VMP1: variants seen among roughly 807,000 people sequenced by gnomAD.
The protein encoded by VMP1 is vacuole membrane protein 1.
In VMP1, 11 loss-of-function variants were observed where a neutral mutation model predicts 56.0. The observed-to-expected ratio is 0.20, with a 90% CI of 0.12 to 0.32. The LOEUF (loss-of-function observed/expected upper bound fraction) is 0.32. Among genes scored for constraint, VMP1 ranks in the 10% least tolerant of loss-of-function variants. The pLI is 1.00. For synonymous variants in VMP1, 149 were observed against 165.0 expected (o/e 0.90, Z 0.74); for missense variants, 296 against 490.3 (o/e 0.60, Z 3.74).
chr17:59,835,484 C>CA (rs2038950816), intron 10 of VMP1, among the ~76,000 whole-genome samples: 1 of 147,674 alleles, frequency 6.8e-6, no homozygotes, highest in Non-Finnish European at 1.5e-5. Flanking sequence ...TATAAATATG[C>CA]AGTTTTTTGT....
chr17:59,717,217 G>A (rs1188576774), intron 1 of VMP1, among the ~76,000 whole-genome samples: 2 of 151,890 alleles, frequency 1.3e-5, no homozygotes, highest in Non-Finnish European at 2.9e-5. Flanking sequence ...TGATCCGCCC[G>A]CTTCGGCCTC....
At chr17:59,754,888 A>G (rs901421065) in intron 5 of VMP1, among the ~76,000 whole-genome samples, 12 of 152,122 alleles carry the variant, frequency 7.9e-5, no homozygotes, top group Admixed American at 7.9e-4. Context: ...CCTGCCCTTA[A>G]GTTTATTAAT....
chr17:59,782,633 G>T (rs757736307), intron 7 of VMP1, among the ~76,000 whole-genome samples: 4 of 152,142 alleles, frequency 2.6e-5, no homozygotes, highest in Admixed American at 1.3e-4. Flanking sequence ...CCTCCAATTT[G>T]ATAGAAGCAA....
chr17:59,761,937 A>G (rs2036069065), intron 5 of VMP1, among the ~76,000 whole-genome samples: 1 of 152,178 alleles, frequency 6.6e-6, no homozygotes, highest in African/African-American at 2.4e-5. Flanking sequence ...GGCAGGAGCA[A>G]CATGCTTTGT....
intron 10 of VMP1, among the ~76,000 whole-genome samples, chr17:59,819,283 T>C (rs1293705143): frequency 6.6e-6 from 1 of 152,128 alleles, no homozygotes; most frequent in Non-Finnish European, 1.5e-5. Context: ...ACAAAAAATA[T>C]TCTTGTCCCT....
intron 6 of VMP1, among the ~76,000 whole-genome samples, chr17:59,768,615 A>G (rs1486475852): frequency 2.6e-5 from 4 of 152,006 alleles, no homozygotes; most frequent in African/African-American, 9.7e-5. Flanking sequence ...AGAAAAAAAA[A>G]CAAGGGGGAT....
chr17:59,786,124 A>G (rs1188189279), intron 7 of VMP1, among the ~76,000 whole-genome samples: 1 of 152,184 alleles, frequency 6.6e-6, no homozygotes, highest in Admixed American at 6.6e-5. Flanking sequence ...ATTAGTTGTA[A>G]TGGTAGTTCT....
At chr17:59,801,881 C>G (rs2037679819) in intron 7 of VMP1, among the ~76,000 whole-genome samples, 1 of 151,724 alleles carries the variant, frequency 6.6e-6, no homozygotes, top group Non-Finnish European at 1.5e-5. Flanking sequence ...TAAACTCCAT[C>G]TCAAAAACAA....
In VMP1 at chr17:59,724,834, C is replaced by T. The variant is rs1264507817; in HGVS notation, c.-26-6587C>T. On this transcript the variant is annotated intron_variant, in intron 1 of 11. Transcript: ENST00000262291. ...CAAAAAAATTAGCCGGGCCTGGTGG[C>T]GGGCGCCTGTAGTCCCAGCTACTCG... Among the ~76,000 whole-genome samples the T allele has an allele frequency of 4.6e-5, 7 of 150,680 alleles. No individual in the cohort carries two copies. In the East Asian group the frequency reaches 9.8e-4, roughly 21 times the overall value.
At chr17:59,735,584 C>A in intron 3 of VMP1, 111 bp downstream of exon 3, 1 of 1,157,256 alleles carries the variant, frequency 8.6e-7, no homozygotes, top group African/African-American at 1.5e-5. Context: ...GATTAATTAC[C>A]TTTAGAATAT....
intron 7 of VMP1, among the ~76,000 whole-genome samples, chr17:59,804,090 A>AT (rs1330293213): frequency 1.3e-5 from 2 of 152,150 alleles, no homozygotes; most frequent in African/African-American, 4.8e-5. Context: ...AAACAATATT[A>AT]TTCTAAAATC....
In VMP1 at chr17:59,749,192, C is replaced by T. The variant is rs555144871; in HGVS notation, c.414+10245C>T. ...CATGCTGGCCTTGAACTCCTGACCT[C>T]GCGATCCGCCTACCTCAGCCTCCCA... On this transcript the variant is annotated intron_variant, in intron 5 of 11. Coordinates refer to ENST00000262291, the MANE Select transcript of VMP1 (RefSeq NM_030938.5). Among the ~76,000 whole-genome samples the T allele has an allele frequency of 2.2e-4, 33 of 151,328 alleles. No individual in the cohort carries two copies. The South Asian group carries it at 5.0e-3, about 23-fold the overall frequency.
intron 7 of VMP1, among the ~76,000 whole-genome samples, chr17:59,800,833 G>A (rs1281254381): frequency 6.6e-6 from 1 of 152,100 alleles, no homozygotes; most frequent in East Asian, 1.9e-4. Context: ...TGTAGTCCCA[G>A]CACGTTAGGA....
intron 10 of VMP1, among the ~76,000 whole-genome samples, chr17:59,830,411 T>C (rs945335146): frequency 2.0e-5 from 3 of 152,206 alleles, no homozygotes; most frequent in Non-Finnish European, 4.4e-5. Context: ...GAAAAATTTT[T>C]TTTTTCATTT....
At chr17:59,756,243 G>T (rs981632662) in intron 5 of VMP1, among the ~76,000 whole-genome samples, 1 of 152,126 alleles carries the variant, frequency 6.6e-6, no homozygotes, top group African/African-American at 2.4e-5. Flanking sequence ...GAATTCCTGT[G>T]TTTGCAAAAG....
chr17:59,821,100 A>G lies in VMP1; in HGVS notation c.974+3327A>G, dbSNP rs905185982. 6.9e-4 allele frequency among the ~76,000 whole-genome samples: 105 copies of G among 151,176 alleles called. 2 individuals carry two copies. Among genetic ancestry groups the G allele is most frequent in the South Asian group, 2.1e-4 (1 of 4,796 alleles). On this transcript the variant is annotated intron_variant, in intron 10 of 11. Coordinates refer to ENST00000262291, the MANE Select transcript of VMP1 (RefSeq NM_030938.5). ...ATTCTCCTGCCTCAGCCCCCCGAGT[A>G]GCTGGGACTACAGGCGCCCGCCTCC...
chr17:59,733,290 A>G (rs1028754216), intron 2 of VMP1, among the ~76,000 whole-genome samples: 2 of 152,138 alleles, frequency 1.3e-5, no homozygotes, highest in Non-Finnish European at 2.9e-5. Context: ...GGTAATATAT[A>G]AGTTATTGAT....
chr17:59,820,214 C>T (rs1451995450), intron 10 of VMP1, among the ~76,000 whole-genome samples: 2 of 152,118 alleles, frequency 1.3e-5, no homozygotes, highest in African/African-American at 4.8e-5. Context: ...CTCTAGTTTC[C>T]TCTGCTCAAA....
At chr17:59,759,720 A>T (rs1246461973) in intron 5 of VMP1, among the ~76,000 whole-genome samples, 1 of 152,138 alleles carries the variant, frequency 6.6e-6, no homozygotes, top group East Asian at 1.9e-4. Context: ...CCAGTGTGAC[A>T]GTGTCTGCCT....
Sources: allele counts gnomAD v4.1 joint callset (sites outside exome capture counted in the v4.1 genomes callset), GRCh38; gene constraint gnomAD v4.1.1; transcripts MANE v1.5; gene names NCBI Gene and HGNC (gene_info 2026-07-23, HGNC 2026-07-21).